ICA1L: variants seen among roughly 807,000 people sequenced by gnomAD.
ICA1L encodes the protein islet cell autoantigen 1 like, also known as islet cell autoantigen 1-like protein.
A neutral mutation model predicts 61.3 loss-of-function variants in ICA1L; 50 were observed. That is an observed-to-expected ratio of 0.82 (90% CI 0.65 to 1.03). The LOEUF is 1.03. Among genes scored for constraint, ICA1L ranks in the 50% least tolerant of loss-of-function variants. The pLI is 0.00. For synonymous variants in ICA1L, 161 were observed against 191.3 expected (o/e 0.84, Z 1.31); for missense variants, 508 against 556.7 (o/e 0.91, Z 0.88).
rs557946116 is a variant in ICA1L at position 202,839,187 on chromosome 2, C to A, written c.-7-10171G>T. On this transcript the variant is annotated intron_variant, in intron 1 of 12. Coordinates refer to ENST00000358299, the MANE Select transcript of ICA1L (RefSeq NM_001288622.3). Reference sequence around the variant, plus strand: ...ATCTTTTTCCATCCTTTCAGTTAATCTAAATGTGTCCTTAAAGGTGAAGTG... The same window carrying A: ...ATCTTTTTCCATCCTTTCAGTTAATATAAATGTGTCCTTAAAGGTGAAGTG... 4.6e-5 allele frequency among the ~76,000 whole-genome samples: 7 copies of A among 152,188 alleles called. No homozygotes were observed. In the South Asian group the frequency reaches 1.5e-3, roughly 32 times the overall value.
intron 6 of ICA1L, among the ~76,000 whole-genome samples, chr2:202,816,271 G>A (rs1320117587): frequency 1.3e-5 from 2 of 152,100 alleles, no homozygotes; most frequent in East Asian, 3.9e-4. Flanking sequence ...GAGAGTGACT[G>A]CAGCTAAGAG....
intron 1 of ICA1L, among the ~76,000 whole-genome samples, chr2:202,853,185 C>T (rs1276443493): frequency 2.0e-5 from 3 of 151,732 alleles, no homozygotes; most frequent in African/African-American, 4.8e-5. Context: ...GATGAAACCC[C>T]GTCTCTACTA....
In ICA1L at chr2:202,862,287, A is replaced by C. The variant is rs1384603334; in HGVS notation, c.-8+9332T>G. On this transcript the variant is annotated intron_variant, in intron 1 of 12. Coordinates refer to ENST00000358299, the MANE Select transcript of ICA1L (RefSeq NM_001288622.3). ...CTCATTTCTACAAAAAAAAAAAAAA[A>C]AAAAAAAAAAAAAAAAAAGGCCAGA... Among the ~76,000 whole-genome samples, 801 of 119,914 alleles carry C rather than the reference A, an allele frequency of 6.7e-3. 21 individuals carry two copies. Among genetic ancestry groups the C allele is most frequent in the Non-Finnish European group, 9.7e-3 (502 of 51,608 alleles). 78.7% of individuals were successfully genotyped at this position (119,914 alleles called of 152,430 possible).
rs1001071163 is a variant in ICA1L at position 202,776,703 on chromosome 2, G to C, written c.*2830C>G. The C allele has an allele frequency of 1.3e-5, 2 of 152,206 alleles. No homozygotes were observed. The highest frequency in any genetic ancestry group is 2.9e-5 in the Non-Finnish European group (2 of 68,038). The allele number at this position is 152,206 out of a possible 1,614,324, so 9.4% of individuals were successfully genotyped here. ...CTCTTCAAAAACAGTGGTTGGACTTGTTGGAAGTTAGAACTGGACTTGCTA... is the reference window on the plus strand; with the variant it reads ...CTCTTCAAAAACAGTGGTTGGACTTCTTGGAAGTTAGAACTGGACTTGCTA... On this transcript the variant is annotated 3_prime_UTR_variant, in exon 13 of 13. Transcript: ENST00000358299.
intron 11 of ICA1L, 53 bp downstream of exon 11, chr2:202,788,777 C>T (rs1692662962): frequency 1.3e-6 from 2 of 1,593,984 alleles, no homozygotes; most frequent in Admixed American, 3.4e-5. Flanking sequence ...CACCATTTTG[C>T]TTCACAAAGA....
At chr2:202,859,189 C>G (rs1010241957) in intron 1 of ICA1L, among the ~76,000 whole-genome samples, 6 of 152,184 alleles carry the variant, frequency 3.9e-5, no homozygotes, top group African/African-American at 1.4e-4. Context: ...AATTGAGGAT[C>G]TGCCCCTCAA....
In ICA1L at chr2:202,773,915, C is replaced by T. The variant is rs1324454655; in HGVS notation, c.*5618G>A. ...AAACCAGTGGAATAAGAACAGTCAA[C>T]GTAGAAAGAGACAGAAAGATTCTTC... On this transcript the variant is annotated 3_prime_UTR_variant, in exon 13 of 13. Transcript: ENST00000358299. 5.7e-6 allele frequency: 7 copies of T among 1,228,896 alleles called. No homozygotes were observed. Among genetic ancestry groups the T allele is most frequent in the South Asian group, 3.8e-5 (3 of 79,246 alleles). 76.1% of individuals were successfully genotyped at this position (1,228,896 alleles called of 1,614,324 possible). A position where few individuals can be genotyped will look rare whatever the true frequency, so the allele number is the denominator to read the frequency against.
Position 202,817,421 on chromosome 2 carries a change from G to T in ICA1L, c.681C>A (p.Tyr227Ter). The T allele has an allele frequency of 1.9e-6, 3 of 1,583,662 alleles. No homozygotes were observed. Among genetic ancestry groups the T allele is most frequent in the Non-Finnish European group, 2.6e-6 (3 of 1,163,518 alleles). ...CNMLSHSLTT[Y>*]QRTLLGFWKK... is the part of the protein sequence containing the mutation. Reference sequence around the variant, plus strand: ...TGCTGACCATGGAGGTGGGTACCTGGTAGGTAGTGAGCGAATGAGATAGCA... The same window carrying T: ...TGCTGACCATGGAGGTGGGTACCTGTTAGGTAGTGAGCGAATGAGATAGCA... Residue 227 changes from tyrosine to a stop codon, truncating the protein, a stop_gained, in exon 6 of 13, where the codon TAC becomes TAA. Transcript: ENST00000358299. LOFTEE classifies it high-confidence loss of function.
At chr2:202,806,994 T>C (rs998603871) in intron 9 of ICA1L, among the ~76,000 whole-genome samples, 1 of 152,218 alleles carries the variant, frequency 6.6e-6, no homozygotes, top group African/African-American at 2.4e-5. Flanking sequence ...TGCAACCCTA[T>C]AAACTGGACT....
chr2:202,806,687 T>G (rs1436496230), intron 9 of ICA1L, among the ~76,000 whole-genome samples: 2 of 151,916 alleles, frequency 1.3e-5, no homozygotes, highest in Non-Finnish European at 2.9e-5. Context: ...AAGAAAATAT[T>G]TTTTCTTTTA....
At chr2:202,846,132 T>G (rs1421723497) in intron 1 of ICA1L, among the ~76,000 whole-genome samples, 1 of 152,208 alleles carries the variant, frequency 6.6e-6, no homozygotes, top group East Asian at 1.9e-4. Flanking sequence ...TTTCTGATAG[T>G]TTTCTGCAGC....
intron 1 of ICA1L, among the ~76,000 whole-genome samples, chr2:202,832,772 C>G (rs1463547610): frequency 1.3e-5 from 2 of 151,994 alleles, no homozygotes; most frequent in Non-Finnish European, 2.9e-5. Context: ...GACTGTGTGA[C>G]AGACTGCCTC....
chr2:202,784,503 A>G (rs899522880), intron 12 of ICA1L, among the ~76,000 whole-genome samples: 2 of 152,228 alleles, frequency 1.3e-5, no homozygotes, highest in African/African-American at 4.8e-5. Context: ...TGAGGATAAG[A>G]GAGGTCTCTT....
At chr2:202,855,414 A>T (rs1458686958) in intron 1 of ICA1L, among the ~76,000 whole-genome samples, 2 of 152,206 alleles carry the variant, frequency 1.3e-5, no homozygotes, top group Non-Finnish European at 2.9e-5. Flanking sequence ...CTAATGAAAA[A>T]AGAAACAAAT....
chr2:202,795,582 C>T (rs1355139504), intron 10 of ICA1L, among the ~76,000 whole-genome samples: 3 of 150,206 alleles, frequency 2.0e-5, no homozygotes, highest in South Asian at 2.1e-4. Flanking sequence ...GCAATGAGGG[C>T]GAAACTCCAT....
chr2:202,813,345 C>T (rs1693433868), intron 8 of ICA1L, among the ~76,000 whole-genome samples: 1 of 151,644 alleles, frequency 6.6e-6, no homozygotes, highest in Non-Finnish European at 1.5e-5. Context: ...AACATACATT[C>T]AAGTTAGCAA....
chr2:202,824,840 G>A (rs1192124160), intron 3 of ICA1L, among the ~76,000 whole-genome samples: 1 of 152,174 alleles, frequency 6.6e-6, no homozygotes, highest in Non-Finnish European at 1.5e-5. Flanking sequence ...AGGATGCCAA[G>A]AAAGAGTGAC....
At chr2:202,781,398 C>T (rs1692398473) in intron 12 of ICA1L, among the ~76,000 whole-genome samples, 1 of 151,348 alleles carries the variant, frequency 6.6e-6, no homozygotes, top group Admixed American at 6.6e-5. Context: ...CATGGTGAAA[C>T]CCCTGTCTCT....
At position 202,773,915 on chromosome 2, in the gene ICA1L, C is replaced by G; in HGVS notation, c.*5618G>C. 7 of 1,229,014 alleles carry G rather than the reference C, an allele frequency of 5.7e-6. No individual in the cohort carries two copies. The highest frequency in any genetic ancestry group is 1.3e-5 in the South Asian group (1 of 79,242). 76.1% of individuals were successfully genotyped at this position (1,229,014 alleles called of 1,614,324 possible). The stretch of plus-strand genomic sequence containing the variant: ...AAACCAGTGGAATAAGAACAGTCAA[C>G]GTAGAAAGAGACAGAAAGATTCTTC... On this transcript the variant is annotated 3_prime_UTR_variant, in exon 13 of 13. Transcript: ENST00000358299.
Sources: gnomAD v4.1 joint callset for allele counts (sites outside exome capture counted in the v4.1 genomes callset) on GRCh38, gnomAD v4.1.1 for gene constraint, MANE v1.5 for transcripts, NCBI Gene and HGNC (gene_info 2026-07-23, HGNC 2026-07-21) for gene names.